The following EXOC4 variants were observed in gnomAD, a reference collection of about 807,000 sequenced individuals.
The protein encoded by EXOC4 is SEC8-like 1.
A neutral mutation model predicts 107.2 loss-of-function variants in EXOC4; 71 were observed. The ratio of observed to expected loss-of-function variants is 0.66; its 90% CI spans 0.55 to 0.81. The LOEUF (loss-of-function observed/expected upper bound fraction) is 0.81. Ranked by LOEUF, EXOC4 falls within the 30% of genes least tolerant of loss-of-function variation. The pLI is 0.00. For missense variants in EXOC4, 1,108 were observed against 1,189.6 expected (o/e 0.93, Z 1.01); for synonymous variants, 456 against 441.2 (o/e 1.03, Z -0.42).
chr7:134,100,658 T>C, the EXOC4 span, among the ~76,000 whole-genome samples: 4 of 130,968 alleles, frequency 3.1e-5, no homozygotes, highest in East Asian at 8.4e-4. Context: ...GACATCTAAA[T>C]TTTGGAGCCA....
intron 14 of EXOC4, among the ~76,000 whole-genome samples, chr7:133,997,202 G>A (rs547780269): frequency 3.3e-4 from 51 of 152,326 alleles, no homozygotes; most frequent in African/African-American, 1.1e-3. Context: ...TTCCAACTCT[G>A]AGGTTCTGTT....
intron 14 of EXOC4, among the ~76,000 whole-genome samples, chr7:133,987,450 G>T (rs1297644150): frequency 1.3e-5 from 2 of 151,668 alleles, no homozygotes; most frequent in African/African-American, 4.8e-5. Context: ...GATGGAAGGA[G>T]GGAAGGAATG....
At chr7:133,832,802 A>G (rs1287432402) in intron 11 of EXOC4, among the ~76,000 whole-genome samples, 2 of 152,166 alleles carry the variant, frequency 1.3e-5, no homozygotes, top group African/African-American at 4.8e-5. Context: ...CTTTCAAATC[A>G]GTTGGTTTTT....
In EXOC4 at chr7:133,742,077, G is replaced by A. The variant is rs77625154; in HGVS notation, c.1515-75248G>A. 6.2e-3 allele frequency among the ~76,000 whole-genome samples: 941 copies of A among 152,224 alleles called. 9 individuals are homozygous for A. The highest frequency in any genetic ancestry group is 0.022 in the African/African-American group (897 of 41,536). On this transcript the variant is annotated intron_variant, in intron 10 of 17. Coordinates refer to ENST00000253861, the MANE Select transcript of EXOC4 (RefSeq NM_021807.4). ...TTTGTAGGTACTAAACTACTTCTGCGGCTGCTTCTACTGCTCATCGCACCA... is the reference window on the plus strand; with the variant it reads ...TTTGTAGGTACTAAACTACTTCTGCAGCTGCTTCTACTGCTCATCGCACCA...
chr7:133,420,508 T>C (rs1261048914), intron 7 of EXOC4, among the ~76,000 whole-genome samples: 1 of 152,104 alleles, frequency 6.6e-6, no homozygotes, highest in East Asian at 1.9e-4. Context: ...CAGAGTCTTG[T>C]ATAGTGTCAT....
rs942845302 is a variant in EXOC4 at position 134,033,182 on chromosome 7, C to CA, written c.2687+25357dup. Among the ~76,000 whole-genome samples, 41 of 148,200 alleles carry CA rather than the reference C, an allele frequency of 2.8e-4. No homozygotes were observed. The South Asian group carries it at 2.8e-3, about 10-fold the overall frequency. Reference sequence around the variant, plus strand: ...AGTTCCATGTTCATAATCAGCAGTTCAAAAAAAAAATGTCAGAGTGCCAAG... The same window carrying CA: ...AGTTCCATGTTCATAATCAGCAGTTCAAAAAAAAAAATGTCAGAGTGCCAAG... On this transcript the variant is annotated intron_variant, in intron 17 of 17. Transcript: ENST00000253861.
chr7:133,905,858 G>T (rs1023247394), intron 12 of EXOC4, among the ~76,000 whole-genome samples: 3 of 152,070 alleles, frequency 2.0e-5, no homozygotes, highest in Admixed American at 1.3e-4. Context: ...GCCTGCACTC[G>T]CTGATGGCAG....
At chr7:134,073,241 A>AAC in the EXOC4 span, among the ~76,000 whole-genome samples, 1 of 146 alleles carries the variant, frequency 6.8e-3, no homozygotes, top group African/African-American at 0.019. Context: ...AACAACAAAG[A>AAC]AAGGCCCCAG....
chr7:134,057,956 T>C (rs1795969503), intron 17 of EXOC4, among the ~76,000 whole-genome samples: 1 of 152,230 alleles, frequency 6.6e-6, no homozygotes, highest in Admixed American at 6.5e-5. Context: ...GTTTAGTTGA[T>C]CTCTTAAATA....
At chr7:133,780,713 C>A (rs1479279414) in intron 10 of EXOC4, among the ~76,000 whole-genome samples, 5 of 152,084 alleles carry the variant, frequency 3.3e-5, no homozygotes, top group African/African-American at 1.2e-4. Flanking sequence ...TGGCTAGGAG[C>A]AACCTGGGGG....
rs1240410025 is a variant in EXOC4 at position 133,758,996 on chromosome 7, G to GA, written c.1515-58328dup. Among the ~76,000 whole-genome samples, 7 of 152,268 alleles carry GA rather than the reference G, an allele frequency of 4.6e-5. No individual in the cohort carries two copies. The East Asian group carries it at 1.2e-3, about 25-fold the overall frequency. On this transcript the variant is annotated intron_variant, in intron 10 of 17. Coordinates refer to ENST00000253861, the MANE Select transcript of EXOC4 (RefSeq NM_021807.4). ...TCTAGAGGGTAAAGAGGAATAAGGA[G>GA]AGGGACCACTATCATGTGGACAGAG...
chr7:133,588,853 G>T (rs911564353), intron 9 of EXOC4, among the ~76,000 whole-genome samples: 5 of 152,046 alleles, frequency 3.3e-5, no homozygotes, highest in African/African-American at 1.2e-4. Flanking sequence ...TGCCAGACTG[G>T]GCGACAAGAG....
chr7:133,392,717 G>A (rs1318827178), intron 7 of EXOC4, among the ~76,000 whole-genome samples: 3 of 152,202 alleles, frequency 2.0e-5, no homozygotes, highest in Admixed American at 1.3e-4. Context: ...TGCTGTGACA[G>A]TGGTGTGTAT....
intron 15 of EXOC4, 69 bp from the exon 16 acceptor site, chr7:134,004,843 G>C (rs1315658381): frequency 2.2e-6 from 3 of 1,338,010 alleles, no homozygotes; most frequent in Non-Finnish European, 3.1e-6. Flanking sequence ...TTGGTGCTCT[G>C]TCCCAAGATC....
chr7:134,064,121 A>G (rs1357379296), intron 17 of EXOC4, among the ~76,000 whole-genome samples, 170 bp from the exon 18 acceptor site: 2 of 152,152 alleles, frequency 1.3e-5, no homozygotes, highest in Non-Finnish European at 2.9e-5. Flanking sequence ...CAAAGGACAG[A>G]GCTTATGGTT....
intron 9 of EXOC4, among the ~76,000 whole-genome samples, chr7:133,524,707 C>T (rs576515560): frequency 1.3e-5 from 2 of 152,212 alleles, no homozygotes; most frequent in African/African-American, 4.8e-5. Flanking sequence ...ATCCTTTCCT[C>T]ATTGCTTGTT....
At chr7:133,519,527 C>G (rs1207091029) in intron 9 of EXOC4, among the ~76,000 whole-genome samples, 1 of 151,998 alleles carries the variant, frequency 6.6e-6, no homozygotes, top group Non-Finnish European at 1.5e-5. Flanking sequence ...AACACTACAG[C>G]CTCAAACATG....
At chr7:134,049,474 A>G (rs995979947) in intron 17 of EXOC4, among the ~76,000 whole-genome samples, 3 of 152,124 alleles carry the variant, frequency 2.0e-5, no homozygotes, top group Admixed American at 6.5e-5. Flanking sequence ...TATTCTTCCT[A>G]CTGTCCCACC....
intron 1 of EXOC4, among the ~76,000 whole-genome samples, chr7:133,265,830 G>A (rs112483686): frequency 3.9e-5 from 6 of 152,254 alleles, no homozygotes; most frequent in African/African-American, 1.2e-4. Context: ...AAATTCAGGT[G>A]TATTACATTA....
Sources: gnomAD v4.1 joint callset for allele counts (sites outside exome capture counted in the v4.1 genomes callset) on GRCh38, gnomAD v4.1.1 for gene constraint, MANE v1.5 for transcripts, NCBI Gene and HGNC (gene_info 2026-07-23, HGNC 2026-07-21) for gene names.